CNTN1: variants seen among roughly 807,000 people sequenced by gnomAD.
The protein encoded by CNTN1 is contactin 1.
CNTN1 carries 38 observed loss-of-function variants against 126.4 expected under a neutral mutation model. The ratio of observed to expected loss-of-function variants is 0.30; its 90% CI spans 0.23 to 0.39. The LOEUF (loss-of-function observed/expected upper bound fraction) is 0.39. Ranked by LOEUF, CNTN1 falls within the 10% of genes least tolerant of loss-of-function variation. CNTN1 has a pLI of 1.00. For missense variants in CNTN1, 1,009 were observed against 1,248.4 expected (o/e 0.81, Z 2.89); for synonymous variants, 413 against 422.6 (o/e 0.98, Z 0.28).
intron 1 of CNTN1, among the ~76,000 whole-genome samples, chr12:40,883,508 G>A (rs1943938469): frequency 6.6e-6 from 1 of 151,578 alleles, no homozygotes; most frequent in South Asian, 2.1e-4. Flanking sequence ...TAGTTCACAT[G>A]GTTTAGTCAC....
At chr12:40,925,574 T>C (rs1392223521) in intron 6 of CNTN1, among the ~76,000 whole-genome samples, 1 of 145,664 alleles carries the variant, frequency 6.9e-6, no homozygotes, top group East Asian at 2.0e-4. Context: ...TATATACGTA[T>C]ATACGTATAT....
chr12:40,701,076 T>C (rs1941582627), intron 1 of CNTN1, among the ~76,000 whole-genome samples: 1 of 152,218 alleles, frequency 6.6e-6, no homozygotes, highest in Admixed American at 6.5e-5. Context: ...CCAGTGCTCA[T>C]GATAGCTGGT....
chr12:41,002,558 C>CTTTTTT, intron 17 of CNTN1, among the ~76,000 whole-genome samples: 1 of 134,596 alleles, frequency 7.4e-6, no homozygotes, highest in African/African-American at 2.8e-5. Flanking sequence ...GGGTTTCTTT[C>CTTTTTT]TTTTTTTTTT....
chr12:40,807,865 T>C (rs905411365), intron 1 of CNTN1, among the ~76,000 whole-genome samples: 4 of 152,202 alleles, frequency 2.6e-5, no homozygotes, highest in African/African-American at 9.6e-5. Context: ...TCTCTTAATG[T>C]CTTTTAATAT....
intron 1 of CNTN1, among the ~76,000 whole-genome samples, chr12:40,778,483 A>T (rs567074437): frequency 6.6e-6 from 1 of 151,970 alleles, no homozygotes; most frequent in African/African-American, 2.4e-5. Context: ...CTGATTTTTT[A>T]TCCATTTTAA....
chr12:40,839,314 A>G (rs1403789628), intron 1 of CNTN1, among the ~76,000 whole-genome samples: 2 of 152,160 alleles, frequency 1.3e-5, no homozygotes, highest in East Asian at 1.9e-4. Context: ...CAAGTTACTG[A>G]TATCTCCAAG....
chr12:40,890,229 A>G (rs1339933242), intron 1 of CNTN1, among the ~76,000 whole-genome samples: 2 of 152,176 alleles, frequency 1.3e-5, no homozygotes, highest in Non-Finnish European at 2.9e-5. Flanking sequence ...AAAGTTGAGC[A>G]GAAATAACAG....
chr12:40,959,860 G>C (rs1407683509), intron 15 of CNTN1, among the ~76,000 whole-genome samples: 2 of 152,056 alleles, frequency 1.3e-5, no homozygotes, highest in African/African-American at 2.4e-5. Flanking sequence ...GCTCTTCACT[G>C]ACTGCCCTTT....
At chr12:40,965,053 A>G (rs1947257365) in intron 15 of CNTN1, among the ~76,000 whole-genome samples, 1 of 152,056 alleles carries the variant, frequency 6.6e-6, no homozygotes, top group African/African-American at 2.4e-5. Flanking sequence ...ATAGATAAAC[A>G]TTTTCTTTCT....
intron 1 of CNTN1, among the ~76,000 whole-genome samples, chr12:40,780,332 T>C (rs903057322): frequency 6.6e-6 from 1 of 151,834 alleles, no homozygotes; most frequent in Non-Finnish European, 1.5e-5. Flanking sequence ...AATAAGGAAT[T>C]ATCTGAATGA....
intron 1 of CNTN1, among the ~76,000 whole-genome samples, chr12:40,907,782 G>T (rs1364876057): frequency 6.6e-6 from 1 of 152,128 alleles, no homozygotes; most frequent in Non-Finnish European, 1.5e-5. Flanking sequence ...GAGGAGGAAT[G>T]AATATTTTAT....
chr12:40,944,912 G>A (rs888292561), intron 14 of CNTN1, among the ~76,000 whole-genome samples: 2 of 151,824 alleles, frequency 1.3e-5, no homozygotes, highest in Non-Finnish European at 2.9e-5. Context: ...TTAGAACATA[G>A]GCATAATTAG....
chr12:40,971,579 AACTC>A lies in CNTN1; in HGVS notation c.1805-9328_1805-9325del, dbSNP rs1298381466. On this transcript the variant is annotated intron_variant, in intron 15 of 23. Coordinates refer to ENST00000551295, the MANE Select transcript of CNTN1 (RefSeq NM_001843.4). The stretch of plus-strand genomic sequence containing the variant: ...TTAACATATTATACTAGATTTGACT[AACTC>A]AATCTTGTAGCTTCTGCAGTTCTCC... 15 of 1,540,532 alleles carry A rather than the reference AACTC, an allele frequency of 9.7e-6. No individual in the cohort carries two copies. In the African/African-American group the frequency reaches 1.9e-4, roughly 20 times the overall value.
chr12:40,795,679 T>C (rs1260198447), intron 1 of CNTN1, among the ~76,000 whole-genome samples: 1 of 152,108 alleles, frequency 6.6e-6, no homozygotes, highest in African/African-American at 2.4e-5. Context: ...ACTATACTTA[T>C]TACCTTTCTG....
chr12:40,898,049 T>C (rs1944474005), intron 1 of CNTN1, among the ~76,000 whole-genome samples: 1 of 152,186 alleles, frequency 6.6e-6, no homozygotes, highest in Non-Finnish European at 1.5e-5. Context: ...TATTGCTACT[T>C]CCTCCTGGAT....
chr12:40,896,154 C>A (rs1054734824), intron 1 of CNTN1: 1 of 152,078 alleles, frequency 6.6e-6, no homozygotes, highest in African/African-American at 2.4e-5. Flanking sequence ...ACACCTAAAT[C>A]TTCTGAACAC....
chr12:40,932,152 T>C (rs1945908447), intron 7 of CNTN1, among the ~76,000 whole-genome samples: 1 of 151,830 alleles, frequency 6.6e-6, no homozygotes, highest in South Asian at 2.1e-4. Context: ...CTGATACGAT[T>C]TGGCTGTGTC....
intron 1 of CNTN1, among the ~76,000 whole-genome samples, chr12:40,708,594 T>A (rs747314188): frequency 1.3e-5 from 2 of 152,218 alleles, no homozygotes; most frequent in African/African-American, 4.8e-5. Flanking sequence ...AGTTGACTCA[T>A]CTGTAGCATG....
intron 1 of CNTN1, among the ~76,000 whole-genome samples, chr12:40,820,018 G>T (rs1024586782): frequency 1.3e-5 from 2 of 152,196 alleles, no homozygotes; most frequent in African/African-American, 2.4e-5. Context: ...AGAGAACCTG[G>T]ATACCTTGGT....
Sources: gnomAD v4.1 joint callset for allele counts (sites outside exome capture counted in the v4.1 genomes callset) on GRCh38, gnomAD v4.1.1 for gene constraint, MANE v1.5 for transcripts, NCBI Gene and HGNC (gene_info 2026-07-23, HGNC 2026-07-21) for gene names.